Variants in TANC2 observed in about 807,000 individuals in gnomAD.
The protein encoded by TANC2 is protein TANC2.
TANC2 carries 26 observed loss-of-function variants against 210.5 expected under a neutral mutation model. That is an observed-to-expected ratio of 0.12 (90% CI 0.09 to 0.17). The LOEUF (loss-of-function observed/expected upper bound fraction) is 0.17. Ranked by LOEUF, TANC2 falls within the 10% of genes least tolerant of loss-of-function variation. The pLI is 1.00. For missense variants in TANC2, 2,129 were observed against 2,608.9 expected, an observed-to-expected ratio of 0.82 and a Z score of 4.01; for synonymous variants, 931 against 967.1, an observed-to-expected ratio of 0.96 and a Z score of 0.69.
intron 2 of TANC2, among the ~76,000 whole-genome samples, chr17:63,051,540 G>C (rs1381392153): frequency 6.6e-6 from 1 of 152,106 alleles, no homozygotes; most frequent in African/African-American, 2.4e-5. Context: ...GCTGCATATA[G>C]ACTGATCCAG....
intron 1 of TANC2, among the ~76,000 whole-genome samples, chr17:63,003,709 A>T (rs988144366): frequency 6.6e-6 from 1 of 152,182 alleles, no homozygotes; most frequent in African/African-American, 2.4e-5. Context: ...GTCCTGTGTT[A>T]TATATGTTTT....
chr17:63,419,907 G>A, intron 27 of TANC2, 92 bp from the exon 28 acceptor site: 1 of 1,404,382 alleles, frequency 7.1e-7, no homozygotes, highest in South Asian at 1.5e-5. Context: ...CGCCACCACA[G>A]CTCTCTGAGA....
At position 63,355,571 on chromosome 17, in the gene TANC2, T is replaced by A. The variant is rs1204517558; in HGVS notation, c.2582+181T>A. On this transcript the variant is annotated intron_variant, in intron 14 of 27. Coordinates refer to ENST00000689528, the Ensembl canonical transcript of TANC2. The stretch of plus-strand genomic sequence containing the variant: ...CTAATTTATTGTTTTACAATGTTAT[T>A]TCCTTAAGACTCAACATCTGCATAG... Among the ~76,000 whole-genome samples the A allele has an allele frequency of 2.0e-5, 3 of 152,212 alleles. No homozygotes were observed. In the East Asian group the frequency reaches 5.8e-4, roughly 29 times the overall value.
chr17:63,201,014 T>G, intron 7 of TANC2, 57 bp downstream of exon 7: 1 of 1,469,530 alleles, frequency 6.8e-7, no homozygotes. Context: ...TTAAAATAAT[T>G]ACACAAGCTT....
Position 63,413,646 on chromosome 17 carries a change from G to T in TANC2, c.4020+12G>T, listed in dbSNP as rs1176121542. 1 of 1,578,880 alleles carries T rather than the reference G, an allele frequency of 6.3e-7. No individual in the cohort carries two copies. Among genetic ancestry groups the T allele is most frequent in the South Asian group, 1.2e-5 (1 of 85,942 alleles). On this transcript the variant is annotated intron_variant, in intron 25 of 27. Transcript: ENST00000689528. ...ACATGTTTTATAAGGTGAGGGGAGG[G>T]AGGGACACAGTTTCTTCAGAACAGC... is the stretch of plus-strand genomic sequence containing the variant.
intron 14 of TANC2, among the ~76,000 whole-genome samples, chr17:63,372,716 T>C (rs2047306925): frequency 6.6e-6 from 1 of 152,122 alleles, no homozygotes; most frequent in Non-Finnish European, 1.5e-5. Context: ...TGTTTGACTT[T>C]TAGGGATGAA....
intron 9 of TANC2, among the ~76,000 whole-genome samples, chr17:63,307,605 C>T (rs1445262795): frequency 6.6e-6 from 1 of 152,138 alleles, no homozygotes; most frequent in Non-Finnish European, 1.5e-5. Flanking sequence ...AGTTTCAGGG[C>T]TTGTATGAGT....
intron 2 of TANC2, among the ~76,000 whole-genome samples, chr17:63,022,680 G>A (rs183940396): frequency 6.6e-6 from 1 of 152,296 alleles, no homozygotes; most frequent in Admixed American, 6.5e-5. Flanking sequence ...AGAGACCTTG[G>A]AGGCTGTACC....
intron 9 of TANC2, among the ~76,000 whole-genome samples, chr17:63,285,692 A>G (rs1053437208): frequency 2.0e-5 from 3 of 152,166 alleles, no homozygotes; most frequent in East Asian, 1.9e-4. Context: ...CATACACTCA[A>G]TTCCTCCAGC....
intron 7 of TANC2, among the ~76,000 whole-genome samples, chr17:63,212,621 G>A (rs892236892): frequency 2.6e-5 from 4 of 152,116 alleles, no homozygotes; most frequent in Non-Finnish European, 5.9e-5. Flanking sequence ...TATAGAAACA[G>A]GGTCTCACTA....
intron 9 of TANC2, among the ~76,000 whole-genome samples, chr17:63,298,265 C>T (rs1480854823): frequency 6.6e-6 from 1 of 152,070 alleles, no homozygotes; most frequent in East Asian, 1.9e-4. Flanking sequence ...TACACAGCAC[C>T]ACTATTTGTA....
intron 1 of TANC2, among the ~76,000 whole-genome samples, chr17:62,980,857 T>A (rs2032262212): frequency 6.6e-6 from 1 of 152,224 alleles, no homozygotes; most frequent in Non-Finnish European, 1.5e-5. Flanking sequence ...TTCTGTTACA[T>A]CGTACCCTCA....
At chr17:63,007,156 G>A (rs2033660935) in intron 1 of TANC2, among the ~76,000 whole-genome samples, 1 of 152,116 alleles carries the variant, frequency 6.6e-6, no homozygotes, top group Non-Finnish European at 1.5e-5. Flanking sequence ...TTGAGCCCAG[G>A]AATTTGAGGT....
At chr17:63,104,019 G>C (rs1320905300) in intron 4 of TANC2, among the ~76,000 whole-genome samples, 2 of 152,072 alleles carry the variant, frequency 1.3e-5, no homozygotes, top group African/African-American at 4.8e-5. Flanking sequence ...ATTTTACCAA[G>C]AAGAAAATCA....
intron 8 of TANC2, among the ~76,000 whole-genome samples, chr17:63,256,352 T>C (rs930975575): frequency 1.3e-5 from 2 of 152,258 alleles, no homozygotes; most frequent in African/African-American, 4.8e-5. Flanking sequence ...AACTTCTTCA[T>C]TGACCCACTG....
intron 2 of TANC2, among the ~76,000 whole-genome samples, chr17:63,011,075 C>A (rs1196641047): frequency 3.3e-5 from 5 of 152,272 alleles, no homozygotes; most frequent in South Asian, 2.1e-4. Context: ...GGCAGCCAGC[C>A]CCTGTCCTGA....
intron 2 of TANC2, among the ~76,000 whole-genome samples, chr17:63,042,451 C>T (rs950746485): frequency 1.3e-5 from 2 of 152,024 alleles, no homozygotes; most frequent in African/African-American, 2.4e-5. Context: ...GTGTTACAAG[C>T]TGAAAACAAA....
intron 9 of TANC2, among the ~76,000 whole-genome samples, chr17:63,275,895 T>C (rs2043857273): frequency 1.3e-5 from 2 of 152,144 alleles, no homozygotes; most frequent in African/African-American, 4.8e-5. Flanking sequence ...GGAAATACTT[T>C]AAAATGCCTT....
chr17:63,340,514 A>C (rs576566419), intron 12 of TANC2, among the ~76,000 whole-genome samples, 182 bp downstream of exon 12: 1 of 152,204 alleles, frequency 6.6e-6, no homozygotes, highest in African/African-American at 2.4e-5. Flanking sequence ...ATCCAGCAGT[A>C]ACTACTCCTT....
Sources: allele counts gnomAD v4.1 joint callset (sites outside exome capture counted in the v4.1 genomes callset), GRCh38; gene constraint gnomAD v4.1.1; transcripts MANE v1.5; gene names NCBI Gene and HGNC (gene_info 2026-07-23, HGNC 2026-07-21).